The following FGD6 variants were observed in gnomAD, a reference collection of about 807,000 sequenced individuals.
FGD6 encodes the protein FYVE, RhoGEF and PH domain-containing protein 6.
In FGD6, 90 loss-of-function variants were observed where a neutral mutation model predicts 149.4. The ratio of observed to expected loss-of-function variants is 0.60; its 90% CI spans 0.51 to 0.72. The LOEUF is 0.72. FGD6 is among the 30% of genes least tolerant of loss of function. The pLI is 0.00. For missense variants in FGD6, 1,437 were observed against 1,684.8 expected, an observed-to-expected ratio of 0.85 and a Z score of 2.57; for synonymous variants, 527 against 584.0, an observed-to-expected ratio of 0.90 and a Z score of 1.41.
intron 1 of FGD6, among the ~76,000 whole-genome samples, chr12:95,211,771 C>T (rs2056728830): frequency 6.6e-6 from 1 of 152,130 alleles, no homozygotes; most frequent in African/African-American, 2.4e-5. Flanking sequence ...AACTCCTGAC[C>T]TCGTGATCCA....
chr12:95,136,669 A>G (rs1347499224), intron 7 of FGD6, among the ~76,000 whole-genome samples: 1 of 152,218 alleles, frequency 6.6e-6, no homozygotes, highest in Non-Finnish European at 1.5e-5. Flanking sequence ...TATAAATTCT[A>G]TTTCCCATCC....
At position 95,190,340 on chromosome 12, in the gene FGD6, T is replaced by C. The variant is rs576868599; in HGVS notation, c.2442-17596A>G. On this transcript the variant is annotated intron_variant, in intron 2 of 20. Coordinates refer to ENST00000343958, the MANE Select transcript of FGD6 (RefSeq NM_018351.4). Reference sequence around the variant, plus strand: ...GGCCACCACTGCGCCCGGCTACTTTTTATATTTTTAGTAGGGACAGGATTT... The same window carrying C: ...GGCCACCACTGCGCCCGGCTACTTTCTATATTTTTAGTAGGGACAGGATTT... Among the ~76,000 whole-genome samples, 256 of 152,244 alleles carry C rather than the reference T, an allele frequency of 1.7e-3. 2 individuals carry two copies. The highest frequency in any genetic ancestry group is 6.0e-3 in the African/African-American group (250 of 41,550).
chr12:95,126,211 C>A lies in FGD6; in HGVS notation c.3082+8528G>T, dbSNP rs1879334079. The stretch of plus-strand genomic sequence containing the variant: ...GCACCTGTTGCTAAGGGTGCTGCTG[C>A]AGCTGCTGCTAAATTTCCAGCAAAA... On this transcript the variant is annotated intron_variant, in intron 8 of 20. Coordinates refer to ENST00000343958, the MANE Select transcript of FGD6 (RefSeq NM_018351.4). The A allele has an allele frequency of 6.7e-6, 8 of 1,197,338 alleles. No individual in the cohort carries two copies. The Admixed American group carries it at 1.5e-4, about 23-fold the overall frequency. The allele number at this position is 1,197,338 out of a possible 1,614,324, so 74.2% of individuals were successfully genotyped here.
rs557527642 is a variant in FGD6 at position 95,122,613 on chromosome 12, T to C, written c.3083-8912A>G. Among the ~76,000 whole-genome samples the C allele has an allele frequency of 4.0e-5, 5 of 123,984 alleles. No homozygotes were observed. In the South Asian group the frequency reaches 8.0e-4, roughly 20 times the overall value. 81.3% of individuals were successfully genotyped at this position (123,984 alleles called of 152,430 possible). ...GTGAGCTGAGATTGCACCATTGCAC[T>C]CTAGCCTGGGCAACAGAGCGAGACT... On this transcript the variant is annotated intron_variant, in intron 8 of 20. Coordinates refer to ENST00000343958, the MANE Select transcript of FGD6 (RefSeq NM_018351.4).
At chr12:95,190,717 G>A (rs1881564222) in intron 2 of FGD6, among the ~76,000 whole-genome samples, 1 of 151,970 alleles carries the variant, frequency 6.6e-6, no homozygotes, top group African/African-American at 2.4e-5. Flanking sequence ...GAGAAAACAT[G>A]CCTTCCATAG....
chr12:95,083,030 T>TATATATATATATATATATATAC (rs772685891), intron 20 of FGD6, among the ~76,000 whole-genome samples: 27 of 56,584 alleles, frequency 4.8e-4, no homozygotes, highest in South Asian at 1.4e-3. Context: ...TATATATATA[T>TATATATATATATATATATATAC]ACACACACAT....
At chr12:95,099,710 G>A (rs894623732) in intron 14 of FGD6, among the ~76,000 whole-genome samples, 1 of 152,000 alleles carries the variant, frequency 6.6e-6, no homozygotes, top group Admixed American at 6.5e-5. Context: ...AACTTCTACT[G>A]TAGTCTCCTG....
intron 9 of FGD6, 138 bp from the exon 10 acceptor site, chr12:95,108,699 G>A: frequency 1.1e-6 from 1 of 947,260 alleles, no homozygotes. Context: ...CTGTGAGTAG[G>A]CAGAAATATA....
chr12:95,104,412 A>G (rs1332995495), intron 14 of FGD6, among the ~76,000 whole-genome samples: 1 of 151,946 alleles, frequency 6.6e-6, no homozygotes, highest in South Asian at 2.1e-4. Context: ...CAGCCTGGGG[A>G]ACATATGGAG....
intron 2 of FGD6, among the ~76,000 whole-genome samples, chr12:95,185,109 A>G (rs1881392452): frequency 6.6e-6 from 1 of 152,044 alleles, no homozygotes; most frequent in Non-Finnish European, 1.5e-5. Flanking sequence ...CCTGACCTCA[A>G]GTGATCTGCC....
chr12:95,197,758 T>C (rs527769230), intron 2 of FGD6, among the ~76,000 whole-genome samples: 1 of 152,288 alleles, frequency 6.6e-6, no homozygotes, highest in South Asian at 2.1e-4. Flanking sequence ...GCAGCTCTCA[T>C]GTAAATCAGT....
intron 1 of FGD6, among the ~76,000 whole-genome samples, chr12:95,214,402 T>C (rs532089367): frequency 1.3e-5 from 2 of 152,344 alleles, no homozygotes; most frequent in Admixed American, 6.5e-5. Context: ...ACTAAGTCAC[T>C]GGTAGAGCAA....
At chr12:95,115,682 C>G (rs1878985597) in intron 8 of FGD6, among the ~76,000 whole-genome samples, 2 of 152,152 alleles carry the variant, frequency 1.3e-5, no homozygotes, top group Non-Finnish European at 2.9e-5. Flanking sequence ...TTATCAGACC[C>G]AACTGCTAGT....
chr12:95,191,051 A>G (rs1393086037), intron 2 of FGD6, among the ~76,000 whole-genome samples: 1 of 152,136 alleles, frequency 6.6e-6, no homozygotes, highest in Non-Finnish European at 1.5e-5. Flanking sequence ...CAGTTCTTTC[A>G]TTTACAGTTC....
chr12:95,138,774 C>G (rs1240795884), intron 6 of FGD6, among the ~76,000 whole-genome samples: 1 of 152,122 alleles, frequency 6.6e-6, no homozygotes, highest in Non-Finnish European at 1.5e-5. Flanking sequence ...TTTCAGATAT[C>G]ACTGTAAATA....
rs1166210088 is a variant in FGD6, at chr12:95,153,000, A to G, written c.2587-7T>C. The G allele has an allele frequency of 1.2e-6, 2 of 1,612,104 alleles. No individual in the cohort carries two copies. Among genetic ancestry groups the G allele is most frequent in the African/African-American group, 1.3e-5 (1 of 75,036 alleles). On this transcript the variant is annotated splice_region_variant and splice_polypyrimidine_tract_variant and intron_variant, in intron 3 of 20. Coordinates refer to ENST00000343958, the MANE Select transcript of FGD6 (RefSeq NM_018351.4). ...TCATTCCATTATCTTCATCCTGTGGATAAGAGCACATTTAACATGAACTCA... is the reference window on the plus strand; with the variant it reads ...TCATTCCATTATCTTCATCCTGTGGGTAAGAGCACATTTAACATGAACTCA...
chr12:95,092,366 A>C (rs1251668304), intron 16 of FGD6, among the ~76,000 whole-genome samples: 1 of 152,178 alleles, frequency 6.6e-6, no homozygotes, highest in East Asian at 1.9e-4. Context: ...TACTATGGAT[A>C]CTTAGTACTA....
rs1592835780 is a variant in FGD6, at chr12:95,110,107, G to A, written c.3134-1546C>T. 2.0e-5 allele frequency among the ~76,000 whole-genome samples: 3 copies of A among 151,866 alleles called. 1 individual carries two copies. The highest frequency in any genetic ancestry group is 7.2e-5 in the African/African-American group (3 of 41,420). On this transcript the variant is annotated intron_variant, in intron 9 of 20. Transcript: ENST00000343958. ...TTCTCCTGCCTCAGCCTCCCAAGTA[G>A]CTGGGACTACAGGCACCTGCCACCA...
chr12:95,113,652 T>C lies in FGD6; in HGVS notation c.3132A>G (p.Gln1044=). 1 of 1,592,616 alleles carries C rather than the reference T, an allele frequency of 6.3e-7. No individual in the cohort carries two copies. The highest frequency in any genetic ancestry group is 1.1e-5 in the South Asian group (1 of 87,780). The change falls in exon 9 of 21, where the codon CAA becomes CAG. Residue 1044 remains glutamine (Q), a splice_region_variant and synonymous_variant. Coordinates refer to ENST00000343958, the MANE Select transcript of FGD6 (RefSeq NM_018351.4). ...IEDAGDYRDT[Q]DALAVVIEVA... is the part of the protein sequence containing the mutation. The stretch of plus-strand genomic sequence containing the variant: ...TCTGCAACCACAGAAGTTATTTACC[T>C]TGAGTGTCTCTGTAATCTCCAGCAT...
Sources: gnomAD v4.1 joint callset for allele counts (sites outside exome capture counted in the v4.1 genomes callset) on GRCh38, gnomAD v4.1.1 for gene constraint, MANE v1.5 for transcripts, NCBI Gene and HGNC (gene_info 2026-07-23, HGNC 2026-07-21) for gene names.